The following ARMC2 variants were observed in gnomAD, a reference collection of about 807,000 sequenced individuals.
The protein encoded by ARMC2 is armadillo repeat containing 2.
Under a neutral mutation model 90.3 loss-of-function variants are expected in ARMC2, and 67 were observed. That is an observed-to-expected ratio of 0.74 (90% CI 0.61 to 0.91). The LOEUF (loss-of-function observed/expected upper bound fraction) is 0.91, where lower values mean the gene tolerates loss of function less well. ARMC2 is among the 40% of genes least tolerant of loss of function. The pLI is 0.00. For synonymous variants in ARMC2, 393 were observed against 393.0 expected (o/e 1.00, Z 0.00); for missense variants, 920 against 1,030.9 (o/e 0.89, Z 1.47).
chr6:109,025,362 C>T, the ARMC2 span, among the ~76,000 whole-genome samples: 2 of 151,586 alleles, frequency 1.3e-5, no homozygotes, highest in African/African-American at 4.9e-5. Flanking sequence ...TTATGTCCCC[C>T]AGGTTCCAGT....
intron 8 of ARMC2, among the ~76,000 whole-genome samples, chr6:108,906,666 A>G (rs1772772046): frequency 6.6e-6 from 1 of 152,058 alleles, no homozygotes; most frequent in East Asian, 1.9e-4. Context: ...AAAATGTTTT[A>G]TAGAATTGGG....
intron 8 of ARMC2, chr6:108,907,771 A>T: frequency 6.2e-7 from 1 of 1,610,954 alleles, no homozygotes; most frequent in Admixed American, 1.7e-5. Flanking sequence ...ACGCTCCGAA[A>T]ATGCCACTAG....
intron 12 of ARMC2, among the ~76,000 whole-genome samples, chr6:108,949,044 A>T (rs1396714746): frequency 1.3e-5 from 2 of 152,050 alleles, no homozygotes; most frequent in Non-Finnish European, 2.9e-5. Flanking sequence ...ACAATCCAGC[A>T]CCCTTAGAAG....
chr6:108,990,640 C>T, the ARMC2 span: 1 of 1,613,522 alleles, frequency 6.2e-7, no homozygotes, highest in Non-Finnish European at 8.5e-7. Flanking sequence ...AGAAAGAAGA[C>T]TAACCTTATT....
intron 5 of ARMC2, among the ~76,000 whole-genome samples, chr6:108,890,033 A>G (rs1172215648): frequency 2.7e-5 from 4 of 147,606 alleles, no homozygotes. Context: ...CTAAAAATAC[A>G]AAAAAAATTA....
At chr6:108,919,145 AC>A (rs1774287470) in intron 10 of ARMC2, among the ~76,000 whole-genome samples, 1 of 12,098 alleles carries the variant, frequency 8.3e-5, no homozygotes, top group Admixed American at 1.3e-3. Flanking sequence ...GAGGCCTTCA[AC>A]TGAAGTCTGG....
intron 8 of ARMC2, among the ~76,000 whole-genome samples, chr6:108,905,249 A>G (rs1772560954): frequency 6.6e-6 from 1 of 152,208 alleles, no homozygotes; most frequent in Non-Finnish European, 1.5e-5. Flanking sequence ...GTTAATAAGA[A>G]TGCCACCTTT....
At chr6:109,018,333 C>T in the ARMC2 span, among the ~76,000 whole-genome samples, 4 of 152,192 alleles carry the variant, frequency 2.6e-5, no homozygotes, top group African/African-American at 4.8e-5. Flanking sequence ...TGTGTGAGCA[C>T]ATTTGAACAT....
chr6:108,939,888 C>T (rs997107143), intron 12 of ARMC2, among the ~76,000 whole-genome samples: 2 of 152,160 alleles, frequency 1.3e-5, no homozygotes, highest in Middle Eastern at 3.2e-3. Context: ...GATATTAAAA[C>T]TAACTTAACC....
chr6:109,030,059 T>C, the ARMC2 span, among the ~76,000 whole-genome samples: 4 of 152,242 alleles, frequency 2.6e-5, no homozygotes, highest in South Asian at 6.2e-4. Flanking sequence ...AAAAATAAAA[T>C]AGCCTTTTAA....
At chr6:108,954,982 G>A (rs533898611) in intron 13 of ARMC2, among the ~76,000 whole-genome samples, 16 of 152,270 alleles carry the variant, frequency 1.1e-4, no homozygotes, top group Admixed American at 9.2e-4. Context: ...GTGGTTGATT[G>A]CCCTCTCACT....
the ARMC2 span, among the ~76,000 whole-genome samples, chr6:109,047,527 C>T: frequency 7.5e-6 from 1 of 132,718 alleles, no homozygotes; most frequent in Non-Finnish European, 1.7e-5. Context: ...AGGGGCGCCT[C>T]TGCCCGGCCG....
intron 5 of ARMC2, among the ~76,000 whole-genome samples, chr6:108,881,221 T>C (rs1777525588): frequency 6.6e-6 from 1 of 151,146 alleles, no homozygotes. Context: ...CTTTCTTTTC[T>C]TTCTTTCTGT....
At chr6:108,880,148 A>C (rs1167503872) in intron 5 of ARMC2, 1 of 360,028 alleles carries the variant, frequency 2.8e-6, no homozygotes, top group Non-Finnish European at 5.4e-6. Context: ...ACGACCCTGA[A>C]CTACACAACA....
chr6:108,965,212 C>T (rs1389608628), intron 17 of ARMC2, 72 bp downstream of exon 17: 24 of 1,338,618 alleles, frequency 1.8e-5, no homozygotes, highest in East Asian at 1.6e-4. Flanking sequence ...GTGACCTGTT[C>T]GGATAAATAT....
chr6:108,947,648 C>T (rs753767798), intron 12 of ARMC2, among the ~76,000 whole-genome samples: 3 of 152,144 alleles, frequency 2.0e-5, no homozygotes, highest in Non-Finnish European at 2.9e-5. Flanking sequence ...ATAACATCTG[C>T]GAAACTAATG....
At chr6:108,885,615 A>G (rs968846504) in intron 5 of ARMC2, among the ~76,000 whole-genome samples, 2 of 151,878 alleles carry the variant, frequency 1.3e-5, no homozygotes, top group African/African-American at 4.8e-5. Flanking sequence ...CAGAGGTTGC[A>G]GTAAGCTGAG....
At chr6:108,870,142 C>T (rs1289800904) in intron 4 of ARMC2, among the ~76,000 whole-genome samples, 1 of 152,104 alleles carries the variant, frequency 6.6e-6, no homozygotes, top group Non-Finnish European at 1.5e-5. Context: ...GATAGGCTTA[C>T]AGTCACAGAG....
At chr6:109,023,139 T>A in the ARMC2 span, among the ~76,000 whole-genome samples, 7 of 152,202 alleles carry the variant, frequency 4.6e-5, no homozygotes, top group African/African-American at 1.4e-4. Flanking sequence ...TTCTATAACA[T>A]CTCTCAATAT....
Sources: allele counts gnomAD v4.1 joint callset (sites outside exome capture counted in the v4.1 genomes callset), GRCh38; gene constraint gnomAD v4.1.1; transcripts MANE v1.5; gene names NCBI Gene and HGNC (gene_info 2026-07-23, HGNC 2026-07-21).